The following ITPR1 variants were observed in gnomAD, a reference collection of about 807,000 sequenced individuals.
The protein encoded by ITPR1 is inositol 1,4,5-trisphosphate receptor type 1.
ITPR1 carries 96 observed loss-of-function variants against 318.4 expected under a neutral mutation model. The ratio of observed to expected loss-of-function variants is 0.30; its 90% CI spans 0.26 to 0.36. ITPR1 has a LOEUF of 0.36. ITPR1 is among the 10% of genes least tolerant of loss of function. The pLI is 1.00. For missense variants in ITPR1, 2,440 were observed against 3,460.2 expected (o/e 0.71, Z 7.40); for synonymous variants, 1,312 against 1,289.9 (o/e 1.02, Z -0.37).
chr3:4,693,250 T>G (rs1205956735), intron 32 of ITPR1, among the ~76,000 whole-genome samples: 1 of 152,242 alleles, frequency 6.6e-6, no homozygotes, highest in African/African-American at 2.4e-5. Flanking sequence ...GTATGCAGGC[T>G]TTCTCTTCCC....
Position 4,759,694 on chromosome 3 carries a change from G to C in ITPR1, c.5545-6836G>C, listed in dbSNP as rs374452260. ...TGCCTTTTGTCTTTTATCTAGCGGC[G>C]TCTTTATCCTAAGATGGTGTTTTGG... On this transcript the variant is annotated intron_variant, in intron 44 of 61. Transcript: ENST00000649015. 1.0e-3 allele frequency among the ~76,000 whole-genome samples: 158 copies of C among 152,302 alleles called. 2 individuals are homozygous for C. Among genetic ancestry groups the C allele is most frequent in the African/African-American group, 3.4e-3 (141 of 41,558 alleles).
intron 56 of ITPR1, among the ~76,000 whole-genome samples, chr3:4,811,696 C>G (rs981110716): frequency 1.3e-5 from 2 of 152,172 alleles, no homozygotes; most frequent in Non-Finnish European, 2.9e-5. Flanking sequence ...CTAACATCAT[C>G]TTTTAAACTA....
At chr3:4,639,024 C>T (rs1262530902) in intron 5 of ITPR1, among the ~76,000 whole-genome samples, 1 of 152,160 alleles carries the variant, frequency 6.6e-6, no homozygotes, top group Non-Finnish European at 1.5e-5. Flanking sequence ...ACTCCAAAGC[C>T]TTAAAGAGGA....
intron 4 of ITPR1, among the ~76,000 whole-genome samples, chr3:4,553,986 G>A (rs957055159): frequency 6.6e-6 from 1 of 151,164 alleles, no homozygotes; most frequent in Non-Finnish European, 1.5e-5. Flanking sequence ...CAAGCAGTCC[G>A]CCCTCCTTGG....
chr3:4,784,152 C>T (rs2047012548), intron 51 of ITPR1, among the ~76,000 whole-genome samples: 1 of 152,070 alleles, frequency 6.6e-6, no homozygotes, highest in South Asian at 2.1e-4. Flanking sequence ...CTCACGAATT[C>T]ACGAGGACAG....
At chr3:4,583,901 T>C (rs1461548190) in intron 4 of ITPR1, among the ~76,000 whole-genome samples, 1 of 152,186 alleles carries the variant, frequency 6.6e-6, no homozygotes, top group Admixed American at 6.5e-5. Context: ...CAATGTAAAC[T>C]TCCCTTTGAA....
rs1234043192 is a variant in ITPR1, at chr3:4,663,057, C to T, written c.1413-8C>T. The T allele has an allele frequency of 6.2e-7, 1 of 1,613,172 alleles. No homozygotes were observed. The highest frequency in any genetic ancestry group is 8.5e-7 in the Non-Finnish European group (1 of 1,179,368). ...ACATCTGTCTCTAATAGCGTCTTTC[C>T]TCCTAAGGTCTGTAACCAAGCTGCT... On this transcript the variant is annotated splice_region_variant and splice_polypyrimidine_tract_variant and intron_variant, in intron 15 of 61. Transcript: ENST00000649015.
chr3:4,814,295 G>C, intron 57 of ITPR1, 128 bp from the exon 58 acceptor site: 7 of 1,046,862 alleles, frequency 6.7e-6, no homozygotes, highest in Non-Finnish European at 1.0e-5. Flanking sequence ...AAAATTCTTG[G>C]CTCTTGATTC....
At chr3:4,615,144 G>A (rs1026813821) in intron 4 of ITPR1, among the ~76,000 whole-genome samples, 5 of 152,150 alleles carry the variant, frequency 3.3e-5, no homozygotes, top group African/African-American at 4.8e-5. Context: ...CCCCTGTCCC[G>A]TACTGACACT....
intron 40 of ITPR1, among the ~76,000 whole-genome samples, chr3:4,724,152 C>T (rs2042348548): frequency 6.6e-6 from 1 of 152,132 alleles, no homozygotes; most frequent in African/African-American, 2.4e-5. Flanking sequence ...AAGTTTTCTC[C>T]CTGAGATTAG....
intron 2 of ITPR1, among the ~76,000 whole-genome samples, chr3:4,502,202 C>T (rs1168061815): frequency 6.6e-6 from 1 of 152,136 alleles, no homozygotes; most frequent in Non-Finnish European, 1.5e-5. Context: ...TCGCCAGATC[C>T]TTCTATTCCT....
Position 4,512,395 on chromosome 3 carries a change from G to A in ITPR1, c.-16-4081G>A, listed in dbSNP as rs371389964. On this transcript the variant is annotated intron_variant, in intron 2 of 61. Transcript: ENST00000649015. ...GAGGTGGAATTACATGCTTTACAGG[G>A]TTCCTTCCAACTTTTATTCCATGAT... Among the ~76,000 whole-genome samples the A allele has an allele frequency of 7.9e-5, 12 of 152,304 alleles. 1 individual carries two copies. Among genetic ancestry groups the A allele is most frequent in the Admixed American group, 4.6e-4 (7 of 15,292 alleles).
At chr3:4,757,791 A>C (rs1317751204) in intron 44 of ITPR1, among the ~76,000 whole-genome samples, 1 of 152,212 alleles carries the variant, frequency 6.6e-6, no homozygotes, top group Non-Finnish European at 1.5e-5. Flanking sequence ...ACTATAATAA[A>C]ACTTGCAGAG....
At chr3:4,716,477 C>T (rs2041772247) in intron 39 of ITPR1, among the ~76,000 whole-genome samples, 1 of 152,128 alleles carries the variant, frequency 6.6e-6, no homozygotes, top group South Asian at 2.1e-4. Flanking sequence ...AAATCCATTT[C>T]CCTTCTGAAT....
chr3:4,633,332 A>C (rs1420178923), intron 5 of ITPR1, among the ~76,000 whole-genome samples: 1 of 152,084 alleles, frequency 6.6e-6, no homozygotes, highest in Non-Finnish European at 1.5e-5. Flanking sequence ...AGTTATCTAC[A>C]TATTTCATTC....
intron 46 of ITPR1, 81 bp downstream of exon 46, chr3:4,768,845 C>G (rs375686899): frequency 3.0e-6 from 4 of 1,351,060 alleles, no homozygotes; most frequent in Non-Finnish European, 3.1e-6. Flanking sequence ...TTCAGCACCT[C>G]TCACTTGGGC....
chr3:4,809,131 T>C lies in ITPR1; in HGVS notation c.7273-2134T>C, dbSNP rs186423149. On this transcript the variant is annotated intron_variant, in intron 55 of 61. Transcript: ENST00000649015. ...TGATGGTGCCCAGTACTAGTGAGAG[T>C]GGGGTAAAATGGGCATGATTCTTTA... Among the ~76,000 whole-genome samples the C allele has an allele frequency of 4.2e-3, 638 of 152,112 alleles. 4 individuals carry two copies. The highest frequency in any genetic ancestry group is 0.014 in the African/African-American group (583 of 41,498).
At chr3:4,569,681 C>T (rs1000834625) in intron 4 of ITPR1, among the ~76,000 whole-genome samples, 12 of 152,188 alleles carry the variant, frequency 7.9e-5, no homozygotes, top group African/African-American at 2.9e-4. Flanking sequence ...ATAGGTAACA[C>T]AGCTGTTTTA....
chr3:4,748,014 G>A (rs573605712), intron 44 of ITPR1, among the ~76,000 whole-genome samples: 1 of 152,328 alleles, frequency 6.6e-6, no homozygotes, highest in Non-Finnish European at 1.5e-5. Flanking sequence ...TTTGGGCGAA[G>A]GGAAAGGGAG....
Sources: gnomAD v4.1 joint callset for allele counts (sites outside exome capture counted in the v4.1 genomes callset) on GRCh38, gnomAD v4.1.1 for gene constraint, MANE v1.5 for transcripts, NCBI Gene and HGNC (gene_info 2026-07-23, HGNC 2026-07-21) for gene names.